Variants in EPHA6 observed in about 807,000 individuals in gnomAD.
EPHA6 encodes the protein ephrin type-A receptor 6.
In EPHA6, 50 loss-of-function variants were observed where a neutral mutation model predicts 112.0. The observed-to-expected ratio is 0.45, with a 90% CI of 0.36 to 0.56. EPHA6 has a LOEUF of 0.56. Among genes scored for constraint, EPHA6 ranks in the 20% least tolerant of loss-of-function variants. The probability of loss-of-function intolerance (pLI) is 0.00; values close to 1 mark genes in which losing one functional copy is unlikely to be tolerated. For missense variants in EPHA6, 1,280 were observed against 1,417.4 expected, an observed-to-expected ratio of 0.90 and a Z score of 1.56; for synonymous variants, 529 against 490.7, an observed-to-expected ratio of 1.08 and a Z score of -1.03.
rs543504944 is a variant in EPHA6 at position 97,757,061 on chromosome 3, T to A, written c.*8360T>A. The stretch of plus-strand genomic sequence containing the variant: ...TACGTGCTATAGTAACCTCATTTTT[T>A]AAAAAAATCAGAGGCAAAGCAAGAA... On this transcript the variant is annotated 3_prime_UTR_variant, in exon 18 of 18. Transcript: ENST00000389672. Among the ~76,000 whole-genome samples, 1 of 151,896 alleles carries A rather than the reference T, an allele frequency of 6.6e-6. No homozygotes were observed. Among genetic ancestry groups the A allele is most frequent in the East Asian group, 1.9e-4 (1 of 5,192 alleles).
intron 5 of EPHA6, among the ~76,000 whole-genome samples, chr3:97,379,492 T>C (rs1404313822): frequency 6.6e-6 from 1 of 152,012 alleles, no homozygotes; most frequent in African/African-American, 2.4e-5. Context: ...GGCTCACGAC[T>C]GTAATCCCAA....
intron 3 of EPHA6, among the ~76,000 whole-genome samples, chr3:97,046,168 A>T (rs1427069990): frequency 6.6e-6 from 1 of 152,164 alleles, no homozygotes; most frequent in African/African-American, 2.4e-5. Flanking sequence ...TTGAACAAGG[A>T]CATCATAGTC....
At chr3:97,021,170 A>AC (rs1553689460) in intron 3 of EPHA6, among the ~76,000 whole-genome samples, 1 of 152,188 alleles carries the variant, frequency 6.6e-6, no homozygotes, top group Non-Finnish European at 1.5e-5. Context: ...TATTAATTTC[A>AC]TAGGTTAAAC....
intron 3 of EPHA6, among the ~76,000 whole-genome samples, chr3:97,007,923 T>C (rs2043946347): frequency 6.6e-6 from 1 of 152,230 alleles, no homozygotes; most frequent in South Asian, 2.1e-4. Context: ...GAATGTTGAA[T>C]ATTGGCCTCC....
intron 5 of EPHA6, among the ~76,000 whole-genome samples, chr3:97,384,698 T>C (rs1311914207): frequency 1.3e-5 from 2 of 152,206 alleles, no homozygotes; most frequent in Admixed American, 6.6e-5. Flanking sequence ...TTTATGAATA[T>C]GGTAATTTTT....
chr3:97,182,690 C>G (rs1440932585), intron 3 of EPHA6, among the ~76,000 whole-genome samples: 2 of 152,080 alleles, frequency 1.3e-5, no homozygotes, highest in Non-Finnish European at 2.9e-5. Flanking sequence ...CTCCAGGAAG[C>G]CTCTTCAAAG....
At chr3:97,243,653 T>C (rs1559822835) in intron 4 of EPHA6, among the ~76,000 whole-genome samples, 3 of 151,910 alleles carry the variant, frequency 2.0e-5, no homozygotes, top group African/African-American at 4.8e-5. Flanking sequence ...TTTTGTTATA[T>C]ATTTTCAGTC....
chr3:96,884,474 A>AT (rs2037506076), intron 2 of EPHA6, among the ~76,000 whole-genome samples: 1 of 151,826 alleles, frequency 6.6e-6, no homozygotes, highest in Non-Finnish European at 1.5e-5. Flanking sequence ...TATTATTATT[A>AT]TTTTTTGCAG....
chr3:96,824,997 C>T (rs2033552591), intron 1 of EPHA6, among the ~76,000 whole-genome samples: 1 of 151,646 alleles, frequency 6.6e-6, no homozygotes, highest in African/African-American at 2.4e-5. Flanking sequence ...ACTTTACATA[C>T]AAATAAGCCT....
chr3:97,232,227 T>C (rs1009184663), intron 4 of EPHA6, among the ~76,000 whole-genome samples: 31 of 152,200 alleles, frequency 2.0e-4, no homozygotes, highest in Non-Finnish European at 4.0e-4. Flanking sequence ...ACATACCTCA[T>C]ACTGTTGTCA....
intron 4 of EPHA6, among the ~76,000 whole-genome samples, chr3:97,230,313 T>C (rs2108553094): frequency 6.6e-6 from 1 of 152,146 alleles, no homozygotes; most frequent in East Asian, 1.9e-4. Flanking sequence ...CAAAGAAAAA[T>C]AAATATGGGC....
At chr3:97,650,404 C>G (rs923741532) in intron 14 of EPHA6, among the ~76,000 whole-genome samples, 2 of 152,016 alleles carry the variant, frequency 1.3e-5, no homozygotes, top group African/African-American at 4.8e-5. Context: ...AGAATTATTT[C>G]CTGAAAAGCC....
chr3:97,709,155 CAA>C (rs34571358), intron 14 of EPHA6, among the ~76,000 whole-genome samples: 404 of 117,240 alleles, frequency 3.4e-3, no homozygotes, highest in East Asian at 0.01. Flanking sequence ...CCATGCAAGT[CAA>C]AAAAAAAAAA....
intron 2 of EPHA6, among the ~76,000 whole-genome samples, chr3:96,962,643 T>A (rs1055104907): frequency 8.6e-5 from 13 of 151,538 alleles, no homozygotes; most frequent in African/African-American, 2.9e-4. Flanking sequence ...AAGCTTAATT[T>A]TTTTTTTTAG....
chr3:97,331,647 A>C (rs116307261), intron 5 of EPHA6, among the ~76,000 whole-genome samples: 2,157 of 152,256 alleles, frequency 0.014, 67 homozygotes, highest in African/African-American at 0.05. Context: ...GAATCTAGAC[A>C]AAATGGATAA....
intron 5 of EPHA6, among the ~76,000 whole-genome samples, chr3:97,383,926 G>A (rs2085902678): frequency 6.6e-6 from 1 of 152,050 alleles, no homozygotes; most frequent in South Asian, 2.1e-4. Flanking sequence ...GGTAGCAAAT[G>A]CATATACCAG....
At chr3:97,080,537 T>A (rs759622370) in intron 3 of EPHA6, among the ~76,000 whole-genome samples, 1 of 152,080 alleles carries the variant, frequency 6.6e-6, no homozygotes. Flanking sequence ...AACTCAGGAA[T>A]GTATAAAATG....
chr3:97,145,717 T>C (rs1363444762), intron 3 of EPHA6, among the ~76,000 whole-genome samples: 2 of 151,732 alleles, frequency 1.3e-5, no homozygotes, highest in Non-Finnish European at 3.0e-5. Context: ...ACCACATTTA[T>C]TGAAGGATTT....
intron 5 of EPHA6, 86 bp downstream of exon 5, chr3:97,244,373 G>C (rs779219554): frequency 8.8e-7 from 1 of 1,141,270 alleles, no homozygotes; most frequent in East Asian, 2.4e-5. Context: ...TTTATTGCAG[G>C]TGCTATGCAG....
Sources: gnomAD v4.1 joint callset for allele counts (sites outside exome capture counted in the v4.1 genomes callset) on GRCh38, gnomAD v4.1.1 for gene constraint, MANE v1.5 for transcripts, NCBI Gene and HGNC (gene_info 2026-07-23, HGNC 2026-07-21) for gene names.